The following SLC60A1 variants were observed in gnomAD, a reference collection of about 807,000 sequenced individuals.
SLC60A1 encodes major facilitator superfamily domain containing 4.
chr1:205,597,766 T>C, the SLC60A1 span: 3 of 1,613,406 alleles, frequency 1.9e-6, no homozygotes, highest in Non-Finnish European at 2.5e-6. Context: ...AACCAAACCT[T>C]CTCTTTTTGT....
chr1:205,583,432 G>T, the SLC60A1 span, among the ~76,000 whole-genome samples: 2 of 152,290 alleles, frequency 1.3e-5, no homozygotes, highest in African/African-American at 4.8e-5. Flanking sequence ...AGGATGCCAG[G>T]CTCCATTCTG....
the SLC60A1 span, among the ~76,000 whole-genome samples, chr1:205,588,253 T>C: frequency 6.6e-6 from 1 of 151,854 alleles, no homozygotes; most frequent in East Asian, 1.9e-4. Context: ...GGGTGGATCA[T>C]GAGGTCAGGA....
At chr1:205,591,997 C>T in the SLC60A1 span, 3 of 1,149,864 alleles carry the variant, frequency 2.6e-6, no homozygotes, top group African/African-American at 1.6e-5. Flanking sequence ...GCCTGGTCCA[C>T]GGGGTGGCGC....
At chr1:205,597,995 T>G in the SLC60A1 span, 4 of 801,018 alleles carry the variant, frequency 5.0e-6, no homozygotes, top group African/African-American at 6.8e-5. Context: ...GTGCCGTTGT[T>G]ACCTGTTTCC....
the SLC60A1 span, chr1:205,598,565 C>T: frequency 1.3e-5 from 2 of 153,192 alleles, no homozygotes; most frequent in South Asian, 4.1e-4. Flanking sequence ...CCTCTTTTGC[C>T]CTGCTGGAGG....
At chr1:205,584,737 C>A in the SLC60A1 span, 2 of 736,620 alleles carry the variant, frequency 2.7e-6, no homozygotes, top group East Asian at 2.5e-5. Flanking sequence ...TTATTCCTAA[C>A]AGAAAGGTCG....
chr1:205,580,078 C>T, the SLC60A1 span: 22 of 998,950 alleles, frequency 2.2e-5, no homozygotes, highest in African/African-American at 1.4e-4. The surrounding 1 kb of genome is among the most constrained non-coding windows in gnomAD (Gnocchi z 5.0). Context: ...GTTCTAGACT[C>T]GGTTTTCCCA....
At chr1:205,598,159 T>A in the SLC60A1 span, 1 of 304,674 alleles carries the variant, frequency 3.3e-6, no homozygotes, top group South Asian at 3.4e-5. Context: ...GAGCCTGAGA[T>A]GGGTTGGAAC....
At chr1:205,597,950 T>C in the SLC60A1 span, 2 of 1,255,514 alleles carry the variant, frequency 1.6e-6, no homozygotes, top group Non-Finnish European at 2.3e-6. Flanking sequence ...AACTGTCCCT[T>C]TCCTGAGTCT....
the SLC60A1 span, among the ~76,000 whole-genome samples, chr1:205,594,034 C>T: frequency 0.64 from 97,413 of 152,004 alleles, 31,855 homozygotes; most frequent in African/African-American, 0.7. Context: ...ATCCTGGCCA[C>T]GGTGAAAACT....
chr1:205,585,682 A>T, the SLC60A1 span, among the ~76,000 whole-genome samples: 3 of 97,088 alleles, frequency 3.1e-5, no homozygotes, highest in South Asian at 9.8e-4. The surrounding 1 kb of genome is among the most constrained non-coding windows in gnomAD (Gnocchi z 4.2). Flanking sequence ...ATGCTTGCAC[A>T]CACCTTTTTT....
the SLC60A1 span, among the ~76,000 whole-genome samples, chr1:205,596,061 A>G: frequency 6.6e-6 from 1 of 152,208 alleles, no homozygotes; most frequent in Admixed American, 6.5e-5. Flanking sequence ...GCACAGAGAC[A>G]AGTCTGAACA....
the SLC60A1 span, chr1:205,601,667 TC>T: frequency 6.6e-6 from 1 of 152,380 alleles, no homozygotes; most frequent in African/African-American, 2.4e-5. Context: ...CACTGCAACC[TC>T]CGCCTCCCAG....
At chr1:205,570,036 A>C in the SLC60A1 span, among the ~76,000 whole-genome samples, 1 of 151,252 alleles carries the variant, frequency 6.6e-6, no homozygotes, top group African/African-American at 2.4e-5. Flanking sequence ...CCCTGGTGCC[A>C]AGGTTCCCCT....
chr1:205,595,158 CAG>C, the SLC60A1 span: 2 of 152,268 alleles, frequency 1.3e-5, no homozygotes, highest in African/African-American at 4.8e-5. Flanking sequence ...AACCAGAAAA[CAG>C]AGCTGATCAC....
At chr1:205,600,588 C>A in the SLC60A1 span, 1 of 875,040 alleles carries the variant, frequency 1.1e-6, no homozygotes, top group Non-Finnish European at 1.8e-6. Flanking sequence ...TCCACTAAAA[C>A]TTGGTTGGGT....
the SLC60A1 span, among the ~76,000 whole-genome samples, chr1:205,577,455 G>A: frequency 6.6e-6 from 1 of 152,226 alleles, no homozygotes; most frequent in African/African-American, 2.4e-5. This position sits in a 1 kb window ranked among gnomAD's most constrained non-coding sequence, Gnocchi z 5.2. Context: ...GATGCCTGGG[G>A]AAGCTGGTGG....
At chr1:205,569,222 C>G in the SLC60A1 span, 3 of 1,563,430 alleles carry the variant, frequency 1.9e-6, no homozygotes, top group Admixed American at 5.5e-5. Flanking sequence ...GCTCGCTGCC[C>G]CAGATCTCCT....
chr1:205,574,880 G>A, the SLC60A1 span, among the ~76,000 whole-genome samples: 9 of 152,164 alleles, frequency 5.9e-5, no homozygotes, highest in African/African-American at 2.2e-4. Flanking sequence ...CCCAACCTCA[G>A]AGTCTAACAG....
Sources: gnomAD v4.1 joint callset for allele counts (sites outside exome capture counted in the v4.1 genomes callset) on GRCh38, gnomAD v4.1.1 for gene constraint, Gnocchi (gnomAD v3.1) non-coding constraint, MANE v1.5 for transcripts, NCBI Gene and HGNC (gene_info 2026-07-23, HGNC 2026-07-21) for gene names.